ATP8A2: variants seen among roughly 807,000 people sequenced by gnomAD.
The protein encoded by ATP8A2 is phospholipid-transporting ATPase IB.
Under a neutral mutation model 165.6 loss-of-function variants are expected in ATP8A2, and 100 were observed. That is an observed-to-expected ratio of 0.60 (90% CI 0.51 to 0.71). The LOEUF is 0.71. Among genes scored for constraint, ATP8A2 ranks in the 30% least tolerant of loss-of-function variants. The pLI, the probability that ATP8A2 is intolerant of heterozygous loss-of-function variation, is 0.00. For missense variants in ATP8A2, 1,227 were observed against 1,479.5 expected (o/e 0.83, Z 2.80); for synonymous variants, 543 against 548.8 (o/e 0.99, Z 0.15).
intron 2 of ATP8A2, among the ~76,000 whole-genome samples, chr13:25,479,260 T>C (rs567644120): frequency 6.6e-6 from 1 of 152,338 alleles, no homozygotes; most frequent in African/African-American, 2.4e-5. Flanking sequence ...AGATTCTCCG[T>C]TAAGGATTAT....
At chr13:25,767,230 C>T (rs934508241) in intron 25 of ATP8A2, among the ~76,000 whole-genome samples, 6 of 152,196 alleles carry the variant, frequency 3.9e-5, no homozygotes, top group Non-Finnish European at 8.8e-5. Flanking sequence ...GGAATAGATA[C>T]AGCTTAATAT....
intron 1 of ATP8A2, among the ~76,000 whole-genome samples, chr13:25,459,838 G>A (rs532724952): frequency 2.0e-4 from 30 of 152,274 alleles, no homozygotes; most frequent in African/African-American, 6.5e-4. Flanking sequence ...TCACTGGGGA[G>A]GTAGGCTGGC....
At chr13:25,627,117 A>G (rs2041121249) in intron 24 of ATP8A2, among the ~76,000 whole-genome samples, 1 of 152,140 alleles carries the variant, frequency 6.6e-6, no homozygotes, top group Non-Finnish European at 1.5e-5. Context: ...GTGAGGAGCT[A>G]TTTCTGGCCT....
chr13:25,615,948 C>T (rs2040812244), intron 24 of ATP8A2, among the ~76,000 whole-genome samples: 1 of 152,132 alleles, frequency 6.6e-6, no homozygotes, highest in South Asian at 2.1e-4. Flanking sequence ...TGTGGATTCT[C>T]TCGACTCTCC....
intron 30 of ATP8A2, among the ~76,000 whole-genome samples, chr13:25,852,370 A>G (rs1952028538): frequency 6.6e-6 from 1 of 152,178 alleles, no homozygotes; most frequent in Admixed American, 6.5e-5. Flanking sequence ...CCGTAGTGCC[A>G]CATTTAATAA....
At chr13:25,594,600 A>T (rs764881918) in intron 24 of ATP8A2, among the ~76,000 whole-genome samples, 21 of 152,024 alleles carry the variant, frequency 1.4e-4, no homozygotes, top group Non-Finnish European at 2.8e-4. Flanking sequence ...CCCAAAGTCC[A>T]TCGTGTCATT....
At chr13:25,993,971 G>C (rs986456455) in intron 35 of ATP8A2, among the ~76,000 whole-genome samples, 1 of 152,106 alleles carries the variant, frequency 6.6e-6, no homozygotes, top group East Asian at 1.9e-4. Context: ...CATGAAAATG[G>C]TAAGTCTCTC....
intron 30 of ATP8A2, among the ~76,000 whole-genome samples, chr13:25,857,629 A>AGT (rs1424512170): frequency 7.4e-6 from 1 of 134,894 alleles, no homozygotes; most frequent in African/African-American, 2.9e-5. Context: ...GCTGGAGTGC[A>AGT]GTGGCATGAT....
chr13:25,563,222 C>T (rs975343976), intron 15 of ATP8A2, among the ~76,000 whole-genome samples: 3 of 152,026 alleles, frequency 2.0e-5, no homozygotes, highest in Admixed American at 6.6e-5. Context: ...CCAGCCTGAC[C>T]GACATGGCAA....
chr13:25,528,754 T>TATGCAACATGTGTATGCAC (rs2037923184), intron 2 of ATP8A2, among the ~76,000 whole-genome samples: 1 of 140,186 alleles, frequency 7.1e-6, no homozygotes, highest in Non-Finnish European at 1.6e-5. Context: ...TGTGTATGCA[T>TATGCAACATGTGTATGCAC]ACATATGCAA....
At chr13:25,540,548 G>T (rs1053961768) in intron 8 of ATP8A2, among the ~76,000 whole-genome samples, 160 bp downstream of exon 8, 10 of 152,194 alleles carry the variant, frequency 6.6e-5, no homozygotes, top group Admixed American at 6.5e-4. Flanking sequence ...TGATGAGAGA[G>T]AATGTGTCTC....
At chr13:25,774,641 AAATAAT>A (rs761673011) in intron 26 of ATP8A2, among the ~76,000 whole-genome samples, 1 of 152,214 alleles carries the variant, frequency 6.6e-6, no homozygotes, top group African/African-American at 2.4e-5. Context: ...TGTTTAGGGA[AAATAAT>A]AATAATGTAG....
chr13:25,675,882 T>G (rs2042362188), intron 24 of ATP8A2, among the ~76,000 whole-genome samples: 1 of 152,210 alleles, frequency 6.6e-6, no homozygotes, highest in South Asian at 2.1e-4. Flanking sequence ...ATTTCCCCCT[T>G]TGATTCATGT....
At chr13:25,959,815 C>T (rs979200960) in intron 33 of ATP8A2, among the ~76,000 whole-genome samples, 3 of 152,238 alleles carry the variant, frequency 2.0e-5, no homozygotes, top group African/African-American at 7.2e-5. Flanking sequence ...GATAGACTAG[C>T]ACTCTTGTGA....
intron 1 of ATP8A2, among the ~76,000 whole-genome samples, chr13:25,468,096 G>A (rs1201529797): frequency 6.6e-6 from 1 of 152,144 alleles, no homozygotes; most frequent in Non-Finnish European, 1.5e-5. Context: ...CTACGTGCGG[G>A]TACCAGTTTC....
intron 1 of ATP8A2, among the ~76,000 whole-genome samples, chr13:25,399,584 A>G (rs2033558412): frequency 9.6e-6 from 1 of 104,540 alleles, no homozygotes; most frequent in Non-Finnish European, 2.0e-5. Flanking sequence ...TTGTATTTTT[A>G]GTAGAGACGG....
chr13:25,591,221 T>C (rs1398127214), intron 24 of ATP8A2: 1 of 455,474 alleles, frequency 2.2e-6, no homozygotes, highest in East Asian at 6.9e-5. Flanking sequence ...ATATTCATAT[T>C]GTTGTGTAAC....
intron 2 of ATP8A2, among the ~76,000 whole-genome samples, chr13:25,493,603 A>C (rs183368129): frequency 1.5e-4 from 23 of 152,230 alleles, no homozygotes; most frequent in Admixed American, 1.5e-3. Flanking sequence ...GTCTGTGGAC[A>C]TTCAGGTAGG....
In ATP8A2 at chr13:25,496,576, A is replaced by C. The variant is rs61948574; in HGVS notation, c.221+27455A>C. Among the ~76,000 whole-genome samples, 584 of 152,340 alleles carry C rather than the reference A, an allele frequency of 3.8e-3. 2 individuals carry two copies. Among genetic ancestry groups the C allele is most frequent in the Non-Finnish European group, 6.9e-3 (467 of 68,034 alleles). On this transcript the variant is annotated intron_variant, in intron 2 of 36. Transcript: ENST00000381655. ...TAAATGATGCAAAAAAACAAAATAC[A>C]TGTGAACAAACACATGATGAGCATA...
Sources: allele counts gnomAD v4.1 joint callset (sites outside exome capture counted in the v4.1 genomes callset), GRCh38; gene constraint gnomAD v4.1.1; transcripts MANE v1.5; gene names NCBI Gene and HGNC (gene_info 2026-07-23, HGNC 2026-07-21).